The following LRRC4C variants were observed in gnomAD, a reference collection of about 807,000 sequenced individuals.
LRRC4C encodes leucine rich repeat containing 4C.
A neutral mutation model predicts 33.6 loss-of-function variants in LRRC4C; 5 were observed. The observed-to-expected ratio is 0.15, with a 90% confidence interval of 0.08 to 0.31. LRRC4C has a LOEUF of 0.31. Among genes scored for constraint, LRRC4C ranks in the 10% least tolerant of loss-of-function variants. The pLI is 1.00. For synonymous variants in LRRC4C, 329 were observed against 302.0 expected (o/e 1.09, Z -0.93); for missense variants, 560 against 796.7 (o/e 0.70, Z 3.58).
intron 4 of LRRC4C, among the ~76,000 whole-genome samples, chr11:40,286,779 A>T (rs1019786749): frequency 6.6e-6 from 1 of 152,180 alleles, no homozygotes; most frequent in Non-Finnish European, 1.5e-5. Context: ...TAACAAGGTT[A>T]ATTGACAAAT....
At chr11:40,277,403 A>T (rs1178441934) in intron 4 of LRRC4C, among the ~76,000 whole-genome samples, 1 of 152,132 alleles carries the variant, frequency 6.6e-6, no homozygotes, top group Non-Finnish European at 1.5e-5. Context: ...CCCTGGCCAA[A>T]CTAGAGGCAA....
At chr11:40,250,099 A>G (rs181062241) in intron 4 of LRRC4C, among the ~76,000 whole-genome samples, 60 of 145,574 alleles carry the variant, frequency 4.1e-4, no homozygotes, top group Non-Finnish European at 1.5e-5. Context: ...ACCTCTCCCA[A>G]TTCTAATCAC....
At chr11:41,420,777 T>C (rs1954848493) in intron 1 of LRRC4C, among the ~76,000 whole-genome samples, 1 of 152,010 alleles carries the variant, frequency 6.6e-6, no homozygotes, top group Non-Finnish European at 1.5e-5. Flanking sequence ...AAAGAGTTAA[T>C]AATTACACCT....
chr11:41,200,932 T>C (rs1445246018), intron 1 of LRRC4C, among the ~76,000 whole-genome samples: 10 of 152,194 alleles, frequency 6.6e-5, no homozygotes, highest in Admixed American at 5.9e-4. Context: ...GAAGATGTGA[T>C]GAAGAAAACC....
intron 3 of LRRC4C, among the ~76,000 whole-genome samples, chr11:40,469,134 G>A (rs931914479): frequency 6.6e-6 from 1 of 152,222 alleles, no homozygotes; most frequent in South Asian, 2.1e-4. Flanking sequence ...CTTCCAGTGA[G>A]ATCAACGCAG....
At chr11:41,157,046 A>G (rs1944263926) in intron 1 of LRRC4C, among the ~76,000 whole-genome samples, 1 of 151,952 alleles carries the variant, frequency 6.6e-6, no homozygotes, top group African/African-American at 2.4e-5. Context: ...CCCCTCTGGA[A>G]CTCCCATCTT....
chr11:41,136,697 C>T (rs1445239544), intron 1 of LRRC4C, among the ~76,000 whole-genome samples: 2 of 152,134 alleles, frequency 1.3e-5, no homozygotes, highest in African/African-American at 2.4e-5. Flanking sequence ...ATGCACATCT[C>T]GTTAGACTCG....
chr11:41,363,721 G>A (rs1952436736), intron 1 of LRRC4C, among the ~76,000 whole-genome samples: 1 of 152,168 alleles, frequency 6.6e-6, no homozygotes, highest in Non-Finnish European at 1.5e-5. Context: ...TAATTGATGA[G>A]TAATTTCTCA....
At chr11:40,294,696 G>A (rs963189989) in intron 4 of LRRC4C, among the ~76,000 whole-genome samples, 1 of 150,222 alleles carries the variant, frequency 6.7e-6, no homozygotes, top group African/African-American at 2.4e-5. Context: ...GAGCGATGGC[G>A]CGCGTCTGTA....
At chr11:40,651,761 T>G (rs953226970) in intron 2 of LRRC4C, among the ~76,000 whole-genome samples, 1 of 152,208 alleles carries the variant, frequency 6.6e-6, no homozygotes, top group Non-Finnish European at 1.5e-5. Context: ...TAGGCAATTT[T>G]TTTCTGTTCA....
At chr11:40,891,213 G>A (rs1955693423) in intron 2 of LRRC4C, among the ~76,000 whole-genome samples, 1 of 151,972 alleles carries the variant, frequency 6.6e-6, no homozygotes, top group Non-Finnish European at 1.5e-5. Context: ...CTCCAGCCTG[G>A]GCAACAAGAG....
At chr11:40,877,361 C>A (rs1954955046) in intron 2 of LRRC4C, among the ~76,000 whole-genome samples, 1 of 152,120 alleles carries the variant, frequency 6.6e-6, no homozygotes, top group Non-Finnish European at 1.5e-5. Flanking sequence ...CACGAAGGTG[C>A]ACATAATATA....
At chr11:41,145,821 T>C (rs2135936243) in intron 1 of LRRC4C, among the ~76,000 whole-genome samples, 2 of 152,308 alleles carry the variant, frequency 1.3e-5, no homozygotes, top group Middle Eastern at 6.8e-3. Flanking sequence ...AAAATTTCAG[T>C]GACCTAGAAA....
chr11:40,927,942 C>T (rs1270603488), intron 2 of LRRC4C, among the ~76,000 whole-genome samples: 1 of 152,040 alleles, frequency 6.6e-6, no homozygotes, highest in Non-Finnish European at 1.5e-5. Context: ...ACATTCTTCA[C>T]TTACTTTTAG....
intron 1 of LRRC4C, among the ~76,000 whole-genome samples, chr11:41,134,681 A>T (rs1943176991): frequency 6.6e-6 from 1 of 152,112 alleles, no homozygotes; most frequent in Non-Finnish European, 1.5e-5. Flanking sequence ...CTCTTTTTAT[A>T]AAAGACCAGC....
At chr11:41,131,987 T>C (rs1329453143) in intron 1 of LRRC4C, among the ~76,000 whole-genome samples, 1 of 152,148 alleles carries the variant, frequency 6.6e-6, no homozygotes, top group Non-Finnish European at 1.5e-5. Context: ...GAAATAACTG[T>C]AAATATACTC....
At position 41,247,248 on chromosome 11, in the gene LRRC4C, C is replaced by T. The variant is rs377333226; in HGVS notation, c.-496+212183G>A. 2.0e-5 allele frequency among the ~76,000 whole-genome samples: 3 copies of T among 152,222 alleles called. No homozygotes were observed. In the South Asian group the frequency reaches 6.2e-4, roughly 32 times the overall value. ...ACTAGAAACCCCTCTGTTGCTTTGG[C>T]TTTAATGTCCTCCTCCTTCCTAAAA... is the stretch of plus-strand genomic sequence containing the variant. On this transcript the variant is annotated intron_variant, in intron 1 of 6. Transcript: ENST00000528697.
intron 1 of LRRC4C, among the ~76,000 whole-genome samples, chr11:41,396,676 A>G (rs1044862074): frequency 6.6e-6 from 1 of 152,016 alleles, no homozygotes; most frequent in African/African-American, 2.4e-5. Context: ...GTGTCATGGA[A>G]GTTTGTTGTG....
chr11:40,137,136 C>A (rs1262994828), intron 6 of LRRC4C, among the ~76,000 whole-genome samples: 1 of 151,354 alleles, frequency 6.6e-6, no homozygotes, highest in African/African-American at 2.4e-5. Context: ...TTGATTAAAC[C>A]TGTACACCTA....
Sources: allele counts gnomAD v4.1 joint callset (sites outside exome capture counted in the v4.1 genomes callset), GRCh38; gene constraint gnomAD v4.1.1; transcripts MANE v1.5; gene names NCBI Gene and HGNC (gene_info 2026-07-23, HGNC 2026-07-21).